Variants in ZNF768 observed in about 807,000 individuals in gnomAD.
ZNF768 encodes zinc finger protein 768.
ZNF768 carries 12 observed loss-of-function variants against 39.7 expected under a neutral mutation model. The ratio of observed to expected loss-of-function variants is 0.30; its 90% CI spans 0.19 to 0.49. The LOEUF is 0.49. ZNF768 is among the 20% of genes least tolerant of loss of function. The pLI is 0.99. For synonymous variants in ZNF768, 360 were observed against 288.4 expected (o/e 1.25, Z -2.52); for missense variants, 613 against 723.2 (o/e 0.85, Z 1.75).
chr16:30,524,559 G>A lies in ZNF768; in HGVS notation c.1581C>T (p.Asp527=), dbSNP rs778471337. Residue 527 remains aspartate, a synonymous_variant, in exon 2 of 2, where the codon GAC becomes GAT. Coordinates refer to ENST00000380412, the MANE Select transcript of ZNF768 (RefSeq NM_024671.4). ...CGTGGGTCCGCTGGTGGCGGATGAGGTCGGAGCTCTGGGAGAAGGCCTTTC... is the reference window on the plus strand; with the variant it reads ...CGTGGGTCCGCTGGTGGCGGATGAGATCGGAGCTCTGGGAGAAGGCCTTTC... ...DCGKAFSQSS[D]LIRHQRTHAA... The A allele has an allele frequency of 2.5e-6, 4 of 1,611,864 alleles. No individual in the cohort carries two copies. Among genetic ancestry groups the A allele is most frequent in the Admixed American group, 3.3e-5 (2 of 60,014 alleles).
At chr16:30,532,300 G>T in the ZNF768 span, 3 of 642,874 alleles carry the variant, frequency 4.7e-6, no homozygotes, top group East Asian at 8.2e-5. Context: ...CTCAGCAAAG[G>T]GGGCCTTGGA....
chr16:30,531,795 T>A (rs1199648615), upstream of ZNF768: 1 of 151,440 alleles, frequency 6.6e-6, no homozygotes, highest in African/African-American at 2.4e-5. Flanking sequence ...TCTTAATAAG[T>A]AAATAAATAA....
chr16:30,525,416 G>C lies in ZNF768; in HGVS notation c.724C>G (p.Leu242Val). The C allele has an allele frequency of 1.2e-6, 2 of 1,614,150 alleles. No individual in the cohort carries two copies. Among genetic ancestry groups the C allele is most frequent in the Non-Finnish European group, 1.7e-6 (2 of 1,180,038 alleles). The change falls in exon 2 of 2, where the codon CTT (leucine) becomes GTT (valine). Residue 242 changes from leucine (L) to valine (V), a missense_variant. By Grantham distance (32) the Leu-to-Val change is conservative. This residue lies in a region of ZNF768 where 347 missense variants were observed against 326.1 expected (regional missense o/e 1.06). Coordinates refer to ENST00000380412, the MANE Select transcript of ZNF768 (RefSeq NM_024671.4). ...LQNPLGLTGA[L>V]RGPGRRGGRA... Reference sequence around the variant, plus strand: ...CCACCCCGCCGACCTGGACCTCGAAGGGCTCCTGTGAGACCCAGGGGATTC... The same window carrying C: ...CCACCCCGCCGACCTGGACCTCGAACGGCTCCTGTGAGACCCAGGGGATTC...
chr16:30,529,342 C>T (rs1331046174), upstream of ZNF768, among the ~76,000 whole-genome samples: 1 of 152,248 alleles, frequency 6.6e-6, no homozygotes, highest in African/African-American at 2.4e-5. Context: ...TCACTTTGTT[C>T]ACAGCATTAT....
intron 1 of ZNF768, 64 bp downstream of exon 1, chr16:30,526,262 C>T (rs968117626): frequency 1.9e-6 from 3 of 1,599,534 alleles, no homozygotes; most frequent in African/African-American, 2.7e-5. Context: ...TCGCTCCCTC[C>T]CTGGAGCCAC....
Position 30,525,486 on chromosome 16 carries a change from C to A in ZNF768, c.654G>T (p.Met218Ile). The change falls in exon 2 of 2, where the codon ATG becomes ATT. Residue 218 changes from methionine (M) to isoleucine (I), a missense_variant. Met to Ile is a conservative substitution (Grantham distance 10). Coordinates refer to ENST00000380412, the MANE Select transcript of ZNF768 (RefSeq NM_024671.4). ...GTGTAGACAGCAGGGCCCCTGTGGG[C>A]ATCTCAAAAGGTGGCCCTATGGGCA... ...GDLPIGPPFE[M>I]PTGALLSTPQ... is the part of the protein sequence containing the mutation. 1 of 1,614,156 alleles carries A rather than the reference C, an allele frequency of 6.2e-7. No individual in the cohort carries two copies. Among genetic ancestry groups the A allele is most frequent in the Non-Finnish European group, 8.5e-7 (1 of 1,180,030 alleles).
rs865973308 is a variant in ZNF768, at chr16:30,524,256, C to T, written c.*261G>A. ...AGCAGTTGCCAAGCCAGGCACCCAC[C>T]AAGGAGCCGCGGCTGAGGCCAGCCC... On this transcript the variant is annotated 3_prime_UTR_variant, in exon 2 of 2. Coordinates refer to ENST00000380412, the MANE Select transcript of ZNF768 (RefSeq NM_024671.4). The T allele has an allele frequency of 7.9e-6, 4 of 504,368 alleles. No individual in the cohort carries two copies. The highest frequency in any genetic ancestry group is 5.2e-4 in the Middle Eastern group (1 of 1,910). The allele number at this position is 504,368 out of a possible 1,614,324, so 31.2% of individuals were successfully genotyped here.
chr16:30,532,399 C>T, the ZNF768 span: 7 of 1,346,848 alleles, frequency 5.2e-6, no homozygotes, highest in Admixed American at 2.0e-5. Flanking sequence ...CCAGCTCTTG[C>T]GGTGGATTCT....
chr16:30,525,624 T>C lies in ZNF768; in HGVS notation c.516A>G (p.Glu172=). 4 of 1,614,262 alleles carry C rather than the reference T, an allele frequency of 2.5e-6. No homozygotes were observed. Among genetic ancestry groups the C allele is most frequent in the Non-Finnish European group, 3.4e-6 (4 of 1,180,038 alleles). ...CGGGGTTCAGAAGCATCTCCGCACC[T>C]TCCTGGAATTTGGAACTTTGAGCTT... ...EFEAQSSKFQ[E]GAEMLLNPEE... Residue 172 remains glutamate, a synonymous_variant, in exon 2 of 2, where the codon GAA becomes GAG. Transcript: ENST00000380412.
At chr16:30,532,269 G>A in the ZNF768 span, 11 of 603,666 alleles carry the variant, frequency 1.8e-5, no homozygotes, top group African/African-American at 1.1e-4. Context: ...GAGGTCTGGG[G>A]GGTTCTCACC....
At position 30,524,782 on chromosome 16, in the gene ZNF768, G is replaced by C; in HGVS notation, c.1358C>G (p.Pro453Arg). Residue 453 changes from proline to arginine, a missense_variant, in exon 2 of 2, where the codon CCA becomes CGA. Physicochemically the swap from Pro to Arg is moderately radical, Grantham distance 103. Around this residue, in one of 4 missense-constraint regions of ZNF768, gnomAD observed 204 missense variants for 281.7 expected, o/e 0.72. Coordinates refer to ENST00000380412, the MANE Select transcript of ZNF768 (RefSeq NM_024671.4). ...VLAIHARTHL[P>R]GRTYSCPDCG... ...GTCGGGGCAGCTGTAGGTGCGGCCT[G>C]GCAGGTGGGTGCGGGCGTGGATGGC... 1.9e-6 allele frequency: 3 copies of C among 1,611,446 alleles called. No homozygotes were observed. Among genetic ancestry groups the C allele is most frequent in the Non-Finnish European group, 2.5e-6 (3 of 1,179,452 alleles).
chr16:30,525,527 G>T lies in ZNF768; in HGVS notation c.613C>A (p.Gln205Lys). The change falls in exon 2 of 2, where the codon CAG becomes AAG. Residue 205 changes from glutamine to lysine, a missense_variant. Gln to Lys is a moderately conservative substitution (Grantham distance 53). This residue lies in a region of ZNF768 where 347 missense variants were observed against 326.1 expected (regional missense o/e 1.06). Transcript: ENST00000380412. ...CCTATGGGCAGGTCCCCTGTGGGCTGCTCCCCAAACCCCTGAGTGAAGGAG... is the reference window on the plus strand; with the variant it reads ...CCTATGGGCAGGTCCCCTGTGGGCTTCTCCCCAAACCCCTGAGTGAAGGAG... ...LDSFTQGFGE[Q>K]PTGDLPIGPP... 2 of 1,614,214 alleles carry T rather than the reference G, an allele frequency of 1.2e-6. No homozygotes were observed. Among genetic ancestry groups the T allele is most frequent in the Non-Finnish European group, 8.5e-7 (1 of 1,180,026 alleles).
upstream of ZNF768, chr16:30,528,211 G>A (rs1408589272): frequency 6.6e-6 from 1 of 152,116 alleles, no homozygotes; most frequent in Non-Finnish European, 1.5e-5. Context: ...GTGAGAACAA[G>A]AACTTGAAGA....
chr16:30,529,357 T>C (rs2051351625), upstream of ZNF768, among the ~76,000 whole-genome samples: 1 of 152,250 alleles, frequency 6.6e-6, no homozygotes, highest in Non-Finnish European at 1.5e-5. Flanking sequence ...CATTATCTCC[T>C]GGCATGCCCA....
At chr16:30,529,532 TC>T (rs1264309126), upstream of ZNF768, among the ~76,000 whole-genome samples, 1 of 152,082 alleles carries the variant, frequency 6.6e-6, no homozygotes, top group Non-Finnish European at 1.5e-5. Context: ...AGCCCTTCCA[TC>T]CGATGCTAGA....
At chr16:30,532,266 G>C in the ZNF768 span, 1 of 601,268 alleles carries the variant, frequency 1.7e-6, no homozygotes, top group Non-Finnish European at 2.9e-6. Context: ...ATGGAGGTCT[G>C]GGGGGTTCTC....
At chr16:30,526,643 C>T (rs1229111550), upstream of ZNF768, 1 of 978,354 alleles carries the variant, frequency 1.0e-6, no homozygotes, top group Non-Finnish European at 1.2e-6. Flanking sequence ...TCGGCCTCCC[C>T]GTGGCCCTCA....
At chr16:30,527,392 G>C (rs1000720862), upstream of ZNF768, 3 of 902,786 alleles carry the variant, frequency 3.3e-6, no homozygotes, top group African/African-American at 5.4e-5. Flanking sequence ...GGCTCCCAGA[G>C]GCACAGCTTC....
chr16:30,529,207 G>C (rs2051350780), upstream of ZNF768, among the ~76,000 whole-genome samples: 1 of 152,266 alleles, frequency 6.6e-6, no homozygotes, highest in African/African-American at 2.4e-5. Context: ...GAAAGCCTCT[G>C]ATAAGGGCTG....
Sources: gnomAD v4.1 joint callset for allele counts (sites outside exome capture counted in the v4.1 genomes callset) on GRCh38, gnomAD v4.1.1 for gene constraint, gnomAD v4.1.1 regional missense constraint, MANE v1.5 for transcripts, NCBI Gene and HGNC (gene_info 2026-07-23, HGNC 2026-07-21) for gene names.